The following CPNE4 variants were observed in gnomAD, a reference collection of about 807,000 sequenced individuals.
CPNE4 encodes copine-4.
Under a neutral mutation model 67.9 loss-of-function variants are expected in CPNE4, and 25 were observed. The ratio of observed to expected loss-of-function variants is 0.37; its 90% confidence interval spans 0.27 to 0.51. The LOEUF is 0.51. Ranked by LOEUF, CPNE4 falls within the 20% of genes least tolerant of loss-of-function variation. The pLI, the probability that CPNE4 is intolerant of heterozygous loss-of-function variation, is 0.93. For synonymous variants in CPNE4, 242 were observed against 244.9 expected, an observed-to-expected ratio of 0.99 and a Z score of 0.11; for missense variants, 464 against 690.8, an observed-to-expected ratio of 0.67 and a Z score of 3.68.
intron 2 of CPNE4, among the ~76,000 whole-genome samples, chr3:131,758,242 C>A (rs552576268): frequency 1.6e-4 from 24 of 152,312 alleles, no homozygotes; most frequent in Admixed American, 8.5e-4. Flanking sequence ...AGGAGGGAAG[C>A]TATACCCTGC....
intron 1 of CPNE4, among the ~76,000 whole-genome samples, chr3:132,022,523 T>C (rs1442404877): frequency 6.6e-6 from 1 of 151,806 alleles, no homozygotes; most frequent in African/African-American, 2.4e-5. Context: ...TTCCTGCAAG[T>C]GCTTCTCTCC....
At chr3:131,879,357 TC>T (rs776232477) in intron 2 of CPNE4, among the ~76,000 whole-genome samples, 72 of 152,254 alleles carry the variant, frequency 4.7e-4, no homozygotes, top group Non-Finnish European at 9.6e-4. Context: ...TCTCTATCCT[TC>T]CCCAAAATCT....
chr3:131,836,997 G>A (rs928171019), intron 2 of CPNE4, among the ~76,000 whole-genome samples: 1 of 152,092 alleles, frequency 6.6e-6, no homozygotes, highest in Non-Finnish European at 1.5e-5. Flanking sequence ...TAGATATTAG[G>A]AATATGCAAA....
intron 2 of CPNE4, among the ~76,000 whole-genome samples, chr3:131,778,240 A>G (rs982704234): frequency 3.9e-5 from 6 of 152,082 alleles, no homozygotes; most frequent in Admixed American, 3.9e-4. Flanking sequence ...TACTGCATGC[A>G]CATTCTCAAG....
intron 2 of CPNE4, among the ~76,000 whole-genome samples, chr3:131,801,072 T>G (rs188833378): frequency 2.0e-5 from 3 of 152,154 alleles, no homozygotes; most frequent in Admixed American, 2.0e-4. Flanking sequence ...AGAGTAAGTA[T>G]CCAGAACCCT....
At chr3:131,634,794 G>T (rs2079332565) in intron 7 of CPNE4, among the ~76,000 whole-genome samples, 1 of 152,134 alleles carries the variant, frequency 6.6e-6, no homozygotes, top group African/African-American at 2.4e-5. Flanking sequence ...GACTATCCTA[G>T]GTCTTATGTC....
chr3:131,539,132 A>AGAT (rs1935338039), intron 15 of CPNE4, among the ~76,000 whole-genome samples: 1 of 152,188 alleles, frequency 6.6e-6, no homozygotes, highest in South Asian at 2.1e-4. Flanking sequence ...AATTCAAAGT[A>AGAT]GATTAGTTTG....
intron 2 of CPNE4, among the ~76,000 whole-genome samples, chr3:131,725,484 C>T (rs563921221): frequency 6.6e-6 from 1 of 152,314 alleles, no homozygotes; most frequent in East Asian, 1.9e-4. Flanking sequence ...TCTGCCTGTT[C>T]CAGCTTCCCC....
intron 5 of CPNE4, among the ~76,000 whole-genome samples, chr3:131,689,584 C>A (rs1290065668): frequency 6.6e-6 from 1 of 151,946 alleles, no homozygotes; most frequent in Non-Finnish European, 1.5e-5. Flanking sequence ...CTTATGCCAT[C>A]TATGACAAAC....
intron 2 of CPNE4, among the ~76,000 whole-genome samples, chr3:131,828,497 G>A (rs76789168): frequency 0.015 from 2,281 of 152,158 alleles, 23 homozygotes; most frequent in Middle Eastern, 0.075. Context: ...GTGTTGCCCC[G>A]TTGTATGAAT....
intron 7 of CPNE4, among the ~76,000 whole-genome samples, chr3:131,595,921 A>G (rs1316562206): frequency 1.3e-5 from 2 of 152,214 alleles, no homozygotes; most frequent in Admixed American, 1.3e-4. Context: ...ACTTAAATGA[A>G]GCATGTACAA....
chr3:131,874,620 A>G (rs2087362563), intron 2 of CPNE4, among the ~76,000 whole-genome samples: 1 of 152,220 alleles, frequency 6.6e-6, no homozygotes, highest in Non-Finnish European at 1.5e-5. Context: ...GAATTTATGT[A>G]TCTGAACATT....
rs972679486 is a variant in CPNE4, at chr3:131,991,672, T to C, written c.-2+42895A>G. 9.6e-5 allele frequency among the ~76,000 whole-genome samples: 13 copies of C among 135,826 alleles called. 2 individuals carry two copies. The highest frequency in any genetic ancestry group is 2.2e-4 in the African/African-American group (9 of 40,678). 89.1% of individuals were successfully genotyped at this position (135,826 alleles called of 152,430 possible). A position where few individuals can be genotyped will look rare whatever the true frequency, so the allele number is the denominator to read the frequency against. ...AGAAATTCAAGCCCACTGGAGAAAT[T>C]TGAGTAAGTAATCACCAAGAAAATG... On this transcript the variant is annotated intron_variant, in intron 1 of 15. Coordinates refer to ENST00000429747, the MANE Select transcript of CPNE4 (RefSeq NM_130808.3).
chr3:131,765,127 G>A (rs6772771), intron 2 of CPNE4, among the ~76,000 whole-genome samples: 2,408 of 152,140 alleles, frequency 0.016, 69 homozygotes, highest in African/African-American at 0.055. Flanking sequence ...TAAAAGAATC[G>A]TGACATTAGG....
At chr3:131,573,100 T>C (rs1937417147) in intron 10 of CPNE4, among the ~76,000 whole-genome samples, 1 of 152,136 alleles carries the variant, frequency 6.6e-6, no homozygotes, top group Admixed American at 6.6e-5. Context: ...TATGTTTCCT[T>C]TAGTAGAACA....
chr3:131,929,003 A>G (rs2070975015), intron 1 of CPNE4, among the ~76,000 whole-genome samples: 1 of 152,222 alleles, frequency 6.6e-6, no homozygotes, highest in Non-Finnish European at 1.5e-5. Context: ...TTTAAACTAC[A>G]GTTGCAAAGA....
chr3:131,580,216 T>C (rs756094395), intron 9 of CPNE4, among the ~76,000 whole-genome samples: 1 of 152,122 alleles, frequency 6.6e-6, no homozygotes, highest in Non-Finnish European at 1.5e-5. Flanking sequence ...AGCAATAAGG[T>C]ATTTTTAAAT....
intron 7 of CPNE4, among the ~76,000 whole-genome samples, chr3:131,648,927 G>A (rs1410232733): frequency 1.3e-5 from 2 of 152,140 alleles, no homozygotes; most frequent in East Asian, 1.9e-4. Context: ...TGTCATTCCA[G>A]TTCAGCAAAA....
At chr3:131,655,534 A>C (rs966408135) in intron 7 of CPNE4, among the ~76,000 whole-genome samples, 5 of 151,870 alleles carry the variant, frequency 3.3e-5, no homozygotes, top group Admixed American at 6.6e-5. Flanking sequence ...TAGTGATTTT[A>C]CTCTTTCATG....
Sources: gnomAD v4.1 joint callset for allele counts (sites outside exome capture counted in the v4.1 genomes callset) on GRCh38, gnomAD v4.1.1 for gene constraint, MANE v1.5 for transcripts, NCBI Gene and HGNC (gene_info 2026-07-23, HGNC 2026-07-21) for gene names.